The following PTBP3 variants were observed in gnomAD, a reference collection of about 807,000 sequenced individuals.
PTBP3 encodes polypyrimidine tract-binding protein 3.
Under a neutral mutation model 58.7 loss-of-function variants are expected in PTBP3, and 20 were observed. The observed-to-expected ratio is 0.34, with a 90% CI of 0.24 to 0.50. PTBP3 has a LOEUF of 0.50. PTBP3 is among the 20% of genes least tolerant of loss of function. The pLI is 0.98. For synonymous variants in PTBP3, 185 were observed against 219.8 expected (o/e 0.84, Z 1.40); for missense variants, 509 against 637.2 (o/e 0.80, Z 2.17).
intron 7 of PTBP3, among the ~76,000 whole-genome samples, chr9:112,246,238 C>G (rs1285800296): frequency 2.0e-5 from 3 of 151,982 alleles, no homozygotes; most frequent in African/African-American, 7.2e-5. Flanking sequence ...CCGCCTCGGC[C>G]TCCCAAAGTG....
chr9:112,327,035 T>C (rs766014540), intron 1 of PTBP3, among the ~76,000 whole-genome samples: 1 of 151,558 alleles, frequency 6.6e-6, no homozygotes, highest in Non-Finnish European at 1.5e-5. Context: ...CTGGACAACA[T>C]GGTGAGGCCT....
chr9:112,225,172 T>C (rs1834935167), intron 12 of PTBP3, among the ~76,000 whole-genome samples: 1 of 152,162 alleles, frequency 6.6e-6, no homozygotes, highest in Non-Finnish European at 1.5e-5. Flanking sequence ...TGACTAAAAG[T>C]AGATTCATCT....
intron 2 of PTBP3, among the ~76,000 whole-genome samples, chr9:112,283,470 G>A (rs1371156095): frequency 1.3e-5 from 2 of 152,208 alleles, no homozygotes; most frequent in African/African-American, 4.8e-5. Flanking sequence ...GCAGCATTTT[G>A]CCCCATGCTA....
chr9:112,332,726 A>T (rs1830425739), intron 1 of PTBP3: 1 of 1,597,438 alleles, frequency 6.3e-7, no homozygotes, highest in African/African-American at 1.3e-5. Flanking sequence ...GACCCCCATT[A>T]AATTTTTGAG....
At chr9:112,264,508 T>C (rs1001318431) in intron 4 of PTBP3, among the ~76,000 whole-genome samples, 1 of 152,184 alleles carries the variant, frequency 6.6e-6, no homozygotes, top group Non-Finnish European at 1.5e-5. Flanking sequence ...ACTGGAAAAG[T>C]AAAGTGCATA....
chr9:112,267,653 T>A (rs1274137700), intron 4 of PTBP3, among the ~76,000 whole-genome samples: 3 of 152,208 alleles, frequency 2.0e-5, no homozygotes, highest in Admixed American at 1.3e-4. Flanking sequence ...AAAAATCATT[T>A]AATAAACAAT....
chr9:112,339,375 G>C, the PTBP3 span, among the ~76,000 whole-genome samples: 1 of 149,018 alleles, frequency 6.7e-6, no homozygotes, highest in Admixed American at 6.7e-5. Context: ...AGTGATCTAA[G>C]AATCATCATT....
Position 112,268,208 on chromosome 9 carries a change from C to A in PTBP3, c.205-13G>T. 3 of 1,601,432 alleles carry A rather than the reference C, an allele frequency of 1.9e-6. No homozygotes were observed. Among genetic ancestry groups the A allele is most frequent in the South Asian group, 2.3e-5 (2 of 88,604 alleles). ...TTTCTAAGAAAGCCTGCAATAAACA[C>A]AAGAAGGTAAAGTTAAAGCTCATCT... On this transcript the variant is annotated splice_polypyrimidine_tract_variant and intron_variant, in intron 3 of 13. Transcript: ENST00000374257.
intron 1 of PTBP3, chr9:112,330,342 CTTT>C: frequency 2.2e-6 from 2 of 907,776 alleles, no homozygotes; most frequent in Non-Finnish European, 3.4e-6. Context: ...AAATTAAAGA[CTTT>C]TACACAATAA....
intron 7 of PTBP3, among the ~76,000 whole-genome samples, chr9:112,243,133 A>G (rs1409916206): frequency 6.8e-6 from 1 of 146,876 alleles, no homozygotes; most frequent in Non-Finnish European, 1.5e-5. Flanking sequence ...TTACAGCTTA[A>G]AAAAAAAAAA....
intron 1 of PTBP3, among the ~76,000 whole-genome samples, chr9:112,311,674 C>G (rs889556214): frequency 3.9e-5 from 6 of 152,094 alleles, no homozygotes; most frequent in African/African-American, 9.7e-5. Context: ...GCTAGCCAGG[C>G]ACAGTGTATC....
At position 112,292,400 on chromosome 9, in the gene PTBP3, C is replaced by T. The variant is rs183137915; in HGVS notation, c.34+5432G>A. 3.3e-3 allele frequency among the ~76,000 whole-genome samples: 499 copies of T among 152,206 alleles called. 3 individuals carry two copies. The highest frequency in any genetic ancestry group is 5.4e-3 in the Non-Finnish European group (365 of 68,002). ...TCAAAATAATAAAAAACAGAATTAC[C>T]ACATGATCCAGCAATCTCACTTCTG... On this transcript the variant is annotated intron_variant, in intron 2 of 13. Coordinates refer to ENST00000374257, the MANE Select transcript of PTBP3 (RefSeq NM_001163788.4).
At chr9:112,228,679 A>C (rs1355789120) in intron 10 of PTBP3, among the ~76,000 whole-genome samples, 4 of 152,256 alleles carry the variant, frequency 2.6e-5, no homozygotes, top group South Asian at 4.1e-4. Context: ...CTCTAAACTT[A>C]TTATGTCCCA....
At chr9:112,319,510 C>T (rs1001852175) in intron 1 of PTBP3, among the ~76,000 whole-genome samples, 11 of 152,082 alleles carry the variant, frequency 7.2e-5, no homozygotes, top group African/African-American at 2.7e-4. Flanking sequence ...GGAAATATGA[C>T]CTCACATCTG....
chr9:112,318,254 C>T (rs1025725976), intron 1 of PTBP3, among the ~76,000 whole-genome samples: 1 of 152,074 alleles, frequency 6.6e-6, no homozygotes, highest in African/African-American at 2.4e-5. Flanking sequence ...ATGACATGAT[C>T]ATGTACATTA....
chr9:112,366,909 A>T, the PTBP3 span, among the ~76,000 whole-genome samples: 34 of 152,318 alleles, frequency 2.2e-4, no homozygotes, highest in Non-Finnish European at 4.4e-4. Context: ...CTGTAAAGCC[A>T]CAGGGGTGGA....
the PTBP3 span, among the ~76,000 whole-genome samples, chr9:112,366,809 T>C: frequency 1.3e-5 from 2 of 152,248 alleles, no homozygotes; most frequent in South Asian, 4.1e-4. Flanking sequence ...CCCAGAATGA[T>C]AGATCCACTG....
At chr9:112,239,446 C>T (rs1360211611) in intron 7 of PTBP3, among the ~76,000 whole-genome samples, 2 of 152,000 alleles carry the variant, frequency 1.3e-5, no homozygotes, top group Non-Finnish European at 2.9e-5. Context: ...TGGAAAAAAA[C>T]AGGCTGGGCA....
At position 112,263,602 on chromosome 9, in the gene PTBP3, C is replaced by A. The variant is rs1215084349; in HGVS notation, c.352-1003G>T. Among the ~76,000 whole-genome samples, 3 of 152,112 alleles carry A rather than the reference C, an allele frequency of 2.0e-5. No individual in the cohort carries two copies. The East Asian group carries it at 5.8e-4, about 29-fold the overall frequency. ...TCAACAGTGTCAAGGTTATGAAAGG[C>A]CCTAAAGGAGACTAAAAAGACATTA... On this transcript the variant is annotated intron_variant, in intron 4 of 13. Coordinates refer to ENST00000374257, the MANE Select transcript of PTBP3 (RefSeq NM_001163788.4).
Sources: allele counts gnomAD v4.1 joint callset (sites outside exome capture counted in the v4.1 genomes callset), GRCh38; gene constraint gnomAD v4.1.1; transcripts MANE v1.5; gene names NCBI Gene and HGNC (gene_info 2026-07-23, HGNC 2026-07-21).